Variants in TRO observed in about 807,000 individuals in gnomAD.
The protein encoded by TRO is trophinin, also known as MAGE superfamily protein.
Under a neutral mutation model 42.3 loss-of-function variants are expected in TRO, and 29 were observed. The ratio of observed to expected loss-of-function variants is 0.68; its 90% CI spans 0.51 to 0.93. The LOEUF is 0.93. Among genes scored for constraint, TRO ranks in the 40% least tolerant of loss-of-function variants. The pLI is 0.00. For synonymous variants in TRO, 384 were observed against 425.2 expected, an observed-to-expected ratio of 0.90 and a Z score of 1.19; for missense variants, 963 against 1,127.7, an observed-to-expected ratio of 0.85 and a Z score of 2.09.
In TRO at chrX:54,930,369, C is replaced by T. The variant is rs1388897513; in HGVS notation, c.3645C>T (p.Thr1215=). The change falls in exon 12 of 13, where the codon ACC becomes ACT. Residue 1215 remains threonine, a synonymous_variant. Coordinates refer to ENST00000173898, the MANE Select transcript of TRO (RefSeq NM_001039705.3). ...CTGGATTTGGTGGTGGACTGAACACCAGTGCTGGCTTTGGTGGTGGCCTAG... is the reference window on the plus strand; with the variant it reads ...CTGGATTTGGTGGTGGACTGAACACTAGTGCTGGCTTTGGTGGTGGCCTAG... The part of the protein sequence containing the change: ...TNAGFGGGLN[T]SAGFGGGLGT... 8.3e-7 allele frequency: 1 copy of T among 1,211,065 alleles called. No individual in the cohort carries two copies. The highest frequency in any genetic ancestry group is 1.1e-6 in the Non-Finnish European group (1 of 895,436).
chrX:54,929,303 G>T lies in TRO; in HGVS notation c.2579G>T (p.Ser860Ile), dbSNP rs1190499292. Reference sequence around the variant, plus strand: ...ACACTCAGCACCACGGCTGGCTTTAGTGGTGTACTCAGCACTAGCACCAGC... The same window carrying T: ...ACACTCAGCACCACGGCTGGCTTTATTGGTGTACTCAGCACTAGCACCAGC... ...GGTLSTTAGFSGVLSTSTSFG... is the reference protein window; with the variant it reads ...GGTLSTTAGFIGVLSTSTSFG... Residue 860 changes from serine to isoleucine, a missense_variant, in exon 12 of 13, where the codon AGT (serine) becomes ATT (isoleucine). Ser to Ile is a moderately radical substitution (Grantham distance 142). Around this residue, in one of 2 missense-constraint regions of TRO, gnomAD observed 641 missense variants for 811.3 expected, o/e 0.79. Transcript: ENST00000173898. The T allele has an allele frequency of 4.1e-6, 5 of 1,211,286 alleles. No individual in the cohort carries two copies. Among genetic ancestry groups the T allele is most frequent in the Non-Finnish European group, 3.4e-6 (3 of 895,446 alleles).
chrX:54,923,321 A>G lies in TRO; in HGVS notation c.789A>G (p.Thr263=). ...RTKKASKARK[T]IAKVINTDTE... ...AGAAAGCCTCCAAAGCCAGGAAGAC[A>G]ATTGCTAAGGTCATAAATACTGACA... Residue 263 remains threonine, a synonymous_variant, in exon 3 of 13, where the codon ACA becomes ACG. Transcript: ENST00000173898. The G allele has an allele frequency of 8.3e-7, 1 of 1,210,932 alleles. No homozygotes were observed. The highest frequency in any genetic ancestry group is 1.1e-6 in the Non-Finnish European group (1 of 895,050).
Position 54,929,257 on chromosome X carries a change from G to A in TRO, c.2533G>A (p.Ala845Thr). 1 of 1,211,703 alleles carries A rather than the reference G, an allele frequency of 8.3e-7. No homozygotes were observed. The highest frequency in any genetic ancestry group is 1.1e-6 in the Non-Finnish European group (1 of 895,371). ...LSTSATFSGG[A>T]SSGFGGTLST... ...CACCAGTGCCACTTTCAGTGGTGGA[G>A]CCAGCTCTGGCTTTGGAGGCACACT... is the stretch of plus-strand genomic sequence containing the variant. The change falls in exon 12 of 13, where the codon GCC (alanine) becomes ACC (threonine). Residue 845 changes from alanine to threonine, a missense_variant. Around this residue, in one of 2 missense-constraint regions of TRO, gnomAD observed 641 missense variants for 811.3 expected, o/e 0.79. Transcript: ENST00000173898.
chrX:54,924,821 T>C (rs935613418), intron 5 of TRO, 88 bp downstream of exon 5: 20 of 1,026,779 alleles, frequency 1.9e-5, no homozygotes, highest in Non-Finnish European at 2.4e-5. Flanking sequence ...ATGGCCTCTT[T>C]GTTCTGTCAT....
Position 54,928,840 on chromosome X carries a change from G to C in TRO, c.2116G>C (p.Glu706Gln). Reference sequence around the variant, plus strand: ...TCAGGCCTGGAGCAGATTTTCATTTGAAATTGAGGCCAGAGCCCAAGAAAA... The same window carrying C: ...TCAGGCCTGGAGCAGATTTTCATTTCAAATTGAGGCCAGAGCCCAAGAAAA... ...DAQAWSRFSF[E>Q]IEARAQENAD... Residue 706 changes from glutamate (E) to glutamine (Q), a missense_variant, in exon 12 of 13, where the codon GAA becomes CAA. Transcript: ENST00000173898. 8.3e-7 allele frequency: 1 copy of C among 1,211,802 alleles called. No individual in the cohort carries two copies. Among genetic ancestry groups the C allele is most frequent in the Non-Finnish European group, 1.1e-6 (1 of 895,460 alleles).
chrX:54,921,947 G>T, intron 1 of TRO: 4 of 270,188 alleles, frequency 1.5e-5, no homozygotes, highest in Non-Finnish European at 2.6e-5. Context: ...CCTAAGATGG[G>T]GGGTGGGGGC....
At chrX:54,924,598 C>A in intron 4 of TRO, 43 bp downstream of exon 4, 1 of 1,196,172 alleles carries the variant, frequency 8.4e-7, no homozygotes, top group Non-Finnish European at 1.1e-6. Flanking sequence ...TCTTCACTTG[C>A]CCTCTTCTCT....
At chrX:54,922,005 G>A in intron 1 of TRO, 198 bp from the exon 2 acceptor site, 1 of 344,777 alleles carries the variant, frequency 2.9e-6, no homozygotes, top group Non-Finnish European at 5.0e-6. Context: ...GAGGGGGCGT[G>A]TAAAGGGGTG....
rs768334234 is a variant in TRO at position 54,922,994 on chromosome X, A to G, written c.462A>G (p.Gln154=). 1.3e-4 allele frequency: 157 copies of G among 1,210,456 alleles called. No homozygotes were observed. Among genetic ancestry groups the G allele is most frequent in the Non-Finnish European group, 1.6e-4 (146 of 895,392 alleles). The stretch of plus-strand genomic sequence containing the variant: ...CTGCCAAGGCAGCCCAAGGCTCCCA[A>G]TCCCCAACTGGCCATGAGGGTGGCA... ...RVTAKAAQGS[Q]SPTGHEGGTI... Residue 154 remains glutamine, a synonymous_variant, in exon 3 of 13, where the codon CAA becomes CAG. Transcript: ENST00000173898.
chrX:54,923,230 C>T lies in TRO; in HGVS notation c.698C>T (p.Thr233Ile), dbSNP rs1932331948. ...SLAATATHTATTQGQITNETA... is the reference protein window; with the variant it reads ...SLAATATHTAITQGQITNETA... ...GCTGCAACTGCCACCCATACAGCTA[C>T]CACCCAAGGCCAAATTACCAATGAG... The change falls in exon 3 of 13, where the codon ACC (threonine) becomes ATC (isoleucine). Residue 233 changes from threonine to isoleucine, a missense_variant. Transcript: ENST00000173898. 2 of 1,211,699 alleles carry T rather than the reference C, an allele frequency of 1.7e-6. No homozygotes were observed. Among genetic ancestry groups the T allele is most frequent in the South Asian group, 3.5e-5 (2 of 56,915 alleles).
rs1766501079 is a variant in TRO, at chrX:54,928,728, G to T, written c.2004G>T (p.Gly668=). 8.3e-7 allele frequency: 1 copy of T among 1,210,742 alleles called. No individual in the cohort carries two copies. The highest frequency in any genetic ancestry group is 3.0e-5 in the East Asian group (1 of 33,840). ...EARAEARAQM[G]IGEEAVAGPW... ...GGGCTGAGGCAAGAGCCCAAATGGG[G>T]ATTGGAGAGGAAGCTGTGGCTGGGC... Residue 668 remains glycine, a synonymous_variant, in exon 12 of 13, where the codon GGG becomes GGT. Transcript: ENST00000173898.
At chrX:54,926,365 T>C (rs778612412) in intron 7 of TRO, 45 bp from the exon 8 acceptor site, 1 of 1,159,352 alleles carries the variant, frequency 8.6e-7, no homozygotes, top group South Asian at 1.8e-5. Context: ...CTTCTTTCTG[T>C]CCTGTTGAAA....
In TRO at chrX:54,929,491, C is replaced by T. The variant is rs751671512; in HGVS notation, c.2767C>T (p.Pro923Ser). Residue 923 changes from proline (P) to serine (S), a missense_variant, in exon 12 of 13, where the codon CCC becomes TCC. Transcript: ENST00000173898. ...LSTSICFGGSPCTSTGFGGTL... is the reference protein window; with the variant it reads ...LSTSICFGGSSCTSTGFGGTL... ...TACCAGTATCTGCTTCGGTGGCTCTCCCTGCACCAGCACTGGCTTTGGAGG... is the reference window on the plus strand; with the variant it reads ...TACCAGTATCTGCTTCGGTGGCTCTTCCTGCACCAGCACTGGCTTTGGAGG... The T allele has an allele frequency of 2.5e-6, 3 of 1,209,737 alleles. No homozygotes were observed. Among genetic ancestry groups the T allele is most frequent in the Admixed American group, 2.2e-5 (1 of 45,852 alleles).
rs1178221826 is a variant in TRO, at chrX:54,929,067, G to A, written c.2343G>A (p.Leu781=). 8.3e-7 allele frequency: 1 copy of A among 1,211,763 alleles called. No homozygotes were observed. The highest frequency in any genetic ancestry group is 2.2e-5 in the Admixed American group (1 of 46,064). ...CCAGCATTAGCTTTGGTGGTACACT[G>A]AGCACTAGCTCCAGCTTCAGCAGCG... is the stretch of plus-strand genomic sequence containing the variant. The part of the protein sequence containing the change: ...NTASISFGGT[L]STSSSFSSAA... The change falls in exon 12 of 13, where the codon CTG becomes CTA. Residue 781 remains leucine (L), a synonymous_variant. Transcript: ENST00000173898.
At chrX:54,925,123 A>C in intron 6 of TRO, 55 bp downstream of exon 6, 1 of 1,064,528 alleles carries the variant, frequency 9.4e-7, no homozygotes, top group Non-Finnish European at 1.3e-6. Context: ...AATCGAGCAA[A>C]GACATACATG....
Position 54,929,127 on chromosome X carries a change from C to T in TRO, c.2403C>T (p.Thr801=). 8.2e-7 allele frequency: 1 copy of T among 1,212,329 alleles called. No individual in the cohort carries two copies. The highest frequency in any genetic ancestry group is 1.1e-6 in the Non-Finnish European group (1 of 895,624). ...TTAGCTTTGGTTGTGCACACAGCAC[C>T]AGCACTAGTTTCAGCAGTGAAGCCA... ...ASISFGCAHS[T]STSFSSEASI... The change falls in exon 12 of 13, where the codon ACC becomes ACT. Residue 801 remains threonine (T), a synonymous_variant. Coordinates refer to ENST00000173898, the MANE Select transcript of TRO (RefSeq NM_001039705.3).
At position 54,929,289 on chromosome X, in the gene TRO, C is replaced by T; in HGVS notation, c.2565C>T (p.Thr855=). Reference sequence around the variant, plus strand: ...CTGGCTTTGGAGGCACACTCAGCACCACGGCTGGCTTTAGTGGTGTACTCA... The same window carrying T: ...CTGGCTTTGGAGGCACACTCAGCACTACGGCTGGCTTTAGTGGTGTACTCA... ...ASSGFGGTLS[T]TAGFSGVLST... Residue 855 remains threonine (T), a synonymous_variant, in exon 12 of 13, where the codon ACC becomes ACT. Transcript: ENST00000173898. 1 of 1,211,993 alleles carries T rather than the reference C, an allele frequency of 8.3e-7. No homozygotes were observed. Among genetic ancestry groups the T allele is most frequent in the East Asian group, 3.0e-5 (1 of 33,861 alleles).
chrX:54,923,190 A>G lies in TRO; in HGVS notation c.658A>G (p.Thr220Ala), dbSNP rs1264855226. The change falls in exon 3 of 13, where the codon ACC (threonine) becomes GCC (alanine). Residue 220 changes from threonine to alanine, a missense_variant. Physicochemically the swap from Thr to Ala is moderately conservative, Grantham distance 58 (BLOSUM62 0). This residue lies in a region of TRO where 322 missense variants were observed against 316.5 expected (regional missense o/e 1.02). Coordinates refer to ENST00000173898, the MANE Select transcript of TRO (RefSeq NM_001039705.3). Reference sequence around the variant, plus strand: ...TGCAAATAAGGCCATAGCTAGTGCCACCGAGGTCTCGCTGGCTGCAACTGC... The same window carrying G: ...TGCAAATAAGGCCATAGCTAGTGCCGCCGAGGTCTCGCTGGCTGCAACTGC... Reference protein sequence around the residue: ...KAANKAIASATEVSLAATATH... With the variant: ...KAANKAIASAAEVSLAATATH... The G allele has an allele frequency of 5.0e-6, 6 of 1,211,641 alleles. No homozygotes were observed. Among genetic ancestry groups the G allele is most frequent in the Middle Eastern group, 2.3e-4 (1 of 4,355 alleles).
intron 3 of TRO, chrX:54,924,026 C>T: frequency 2.6e-6 from 1 of 388,766 alleles, no homozygotes; most frequent in Non-Finnish European, 4.4e-6. Flanking sequence ...TTACCACGTG[C>T]CAGGCTTTGT....
Sources: allele counts gnomAD v4.1 joint callset, GRCh38; gene constraint gnomAD v4.1.1; regional missense constraint gnomAD v4.1.1; transcripts MANE v1.5; gene names NCBI Gene and HGNC (gene_info 2026-07-23, HGNC 2026-07-21).